Variants in DEUP1 observed in about 807,000 individuals in gnomAD.
DEUP1 encodes the protein deuterosome assembly protein 1, also known as coiled-coil domain containing 67.
A neutral mutation model predicts 87.4 loss-of-function variants in DEUP1; 82 were observed. The ratio of observed to expected loss-of-function variants is 0.94; its 90% CI spans 0.78 to 1.13. The LOEUF is 1.13. Among genes scored for constraint, DEUP1 ranks in the 50% most tolerant of loss-of-function variants. DEUP1 has a pLI of 0.00. For missense variants in DEUP1, 663 were observed against 681.5 expected (o/e 0.97, Z 0.30); for synonymous variants, 214 against 222.7 (o/e 0.96, Z 0.35).
chr11:93,360,905 CAAAAAAAA>C (rs35572726), intron 4 of DEUP1, among the ~76,000 whole-genome samples: 1 of 82,410 alleles, frequency 1.2e-5, no homozygotes, highest in Non-Finnish European at 2.5e-5. Context: ...CAAAACTTAG[CAAAAAAAA>C]AAAAAAAAAA....
chr11:93,338,322 C>G lies in DEUP1; in HGVS notation c.29+6034C>G, dbSNP rs572045909. On this transcript the variant is annotated intron_variant, in intron 2 of 13. Transcript: ENST00000298050. Reference sequence around the variant, plus strand: ...CCAGCGTATTCCAGGGGCCCTAGCTCTGTTCAGCAATGTTTTGTCTTCTCT... The same window carrying G: ...CCAGCGTATTCCAGGGGCCCTAGCTGTGTTCAGCAATGTTTTGTCTTCTCT... Among the ~76,000 whole-genome samples, 86 of 151,670 alleles carry G rather than the reference C, an allele frequency of 5.7e-4. No individual in the cohort carries two copies. The Middle Eastern group carries it at 0.01, about 18-fold the overall frequency.
chr11:93,375,749 T>G (rs1946005987), intron 7 of DEUP1, among the ~76,000 whole-genome samples: 1 of 152,192 alleles, frequency 6.6e-6, no homozygotes. Flanking sequence ...AGTTTTCTTT[T>G]TCTCTTATAT....
intron 7 of DEUP1, among the ~76,000 whole-genome samples, chr11:93,385,174 G>A (rs560870734): frequency 3.3e-4 from 50 of 152,226 alleles, no homozygotes; most frequent in African/African-American, 9.1e-4. Context: ...AGCCAAGATC[G>A]TGCCACTGCA....
At position 93,385,512 on chromosome 11, in the gene DEUP1, G is replaced by C. The variant is rs1450577772; in HGVS notation, c.904G>C (p.Glu302Gln). The C allele has an allele frequency of 3.7e-6, 6 of 1,609,586 alleles. No individual in the cohort carries two copies. The highest frequency in any genetic ancestry group is 1.1e-5 in the South Asian group (1 of 90,154). Residue 302 changes from glutamate (E) to glutamine (Q), a missense_variant, in exon 8 of 14, where the codon GAG becomes CAG. Coordinates refer to ENST00000298050, the MANE Select transcript of DEUP1 (RefSeq NM_181645.4). The part of the protein sequence containing the change: ...QLHRELLKIG[E>Q]CQNAQGNKTR... ...ACACAGAGAATTATTAAAAATAGGA[G>C]AGTGCCAAAATGCTCAAGGAAATAA... is the stretch of plus-strand genomic sequence containing the variant.
rs540981372 is a variant in DEUP1 at position 93,418,605 on chromosome 11, A to G, written c.1638+3491A>G. Among the ~76,000 whole-genome samples the G allele has an allele frequency of 1.3e-3, 195 of 151,862 alleles. 1 individual carries two copies. The highest frequency in any genetic ancestry group is 4.5e-3 in the African/African-American group (187 of 41,396). ...GGTGGGACTGTAAACTAGTTCAACC[A>G]TTGTGGAAGTCAGTGTGGCGATTCC... is the stretch of plus-strand genomic sequence containing the variant. On this transcript the variant is annotated intron_variant, in intron 13 of 13. Coordinates refer to ENST00000298050, the MANE Select transcript of DEUP1 (RefSeq NM_181645.4).
chr11:93,350,128 T>C (rs1407761490), intron 2 of DEUP1, among the ~76,000 whole-genome samples: 1 of 152,212 alleles, frequency 6.6e-6, no homozygotes, highest in African/African-American at 2.4e-5. Flanking sequence ...TTGGGACAAT[T>C]GCTGCAGATT....
At chr11:93,429,652 A>AGAAT (rs1948041559) in intron 13 of DEUP1, among the ~76,000 whole-genome samples, 1 of 152,102 alleles carries the variant, frequency 6.6e-6, no homozygotes, top group Non-Finnish European at 1.5e-5. Flanking sequence ...TCCCTCCTTT[A>AGAAT]GAATGTATGC....
intron 7 of DEUP1, chr11:93,383,638 T>C (rs1221437498): frequency 2.4e-5 from 16 of 661,162 alleles, no homozygotes; most frequent in Non-Finnish European, 4.4e-5. Context: ...CAATGAATAT[T>C]ATTAATAATT....
intron 8 of DEUP1, among the ~76,000 whole-genome samples, chr11:93,385,823 G>T (rs1946516781): frequency 6.6e-6 from 1 of 152,100 alleles, no homozygotes. Context: ...AGGCCGAGGT[G>T]GGAGGACAAT....
At chr11:93,340,154 G>A (rs1453615380) in intron 2 of DEUP1, among the ~76,000 whole-genome samples, 2 of 152,168 alleles carry the variant, frequency 1.3e-5, no homozygotes, top group African/African-American at 2.4e-5. Flanking sequence ...TCTATATTAT[G>A]TTGGGGGTGG....
rs1443505736 is a variant in DEUP1 at position 93,437,769 on chromosome 11, A to G, written c.*50A>G. Reference sequence around the variant, plus strand: ...CCCCCCCCCACCCCCGCCAAGAAAAAAAGCTCTGGCAAAATATTTACAAAG... The same window carrying G: ...CCCCCCCCCACCCCCGCCAAGAAAAGAAGCTCTGGCAAAATATTTACAAAG... On this transcript the variant is annotated 3_prime_UTR_variant, in exon 14 of 14. Transcript: ENST00000298050. 1.1e-6 allele frequency: 1 copy of G among 903,260 alleles called. No homozygotes were observed. Among genetic ancestry groups the G allele is most frequent in the African/African-American group, 1.8e-5 (1 of 55,190 alleles). The allele number at this position is 903,260 out of a possible 1,614,324, so 56.0% of individuals were successfully genotyped here. A position where few individuals can be genotyped will look rare whatever the true frequency, so the allele number is the denominator to read the frequency against.
At chr11:93,355,902 A>C (rs948039863) in intron 3 of DEUP1, among the ~76,000 whole-genome samples, 1 of 152,234 alleles carries the variant, frequency 6.6e-6, no homozygotes, top group Admixed American at 6.5e-5. Context: ...GAGTTCAGTA[A>C]CATTTGCTTC....
At chr11:93,357,118 T>C (rs1944933376) in intron 4 of DEUP1, 75 bp downstream of exon 4, 1 of 884,464 alleles carries the variant, frequency 1.1e-6, no homozygotes, top group African/African-American at 1.7e-5. Flanking sequence ...GTGTTAACTT[T>C]AAACTGTTTT....
intron 8 of DEUP1, among the ~76,000 whole-genome samples, chr11:93,388,562 T>C (rs16918854): frequency 0.015 from 2,284 of 152,316 alleles, 25 homozygotes; most frequent in East Asian, 0.064. Flanking sequence ...TACTCTCTGG[T>C]TAGACTGTCA....
chr11:93,366,763 C>T (rs1945437830), intron 5 of DEUP1, among the ~76,000 whole-genome samples: 1 of 152,192 alleles, frequency 6.6e-6, no homozygotes, highest in Non-Finnish European at 1.5e-5. Flanking sequence ...GCCTCTAAAA[C>T]ATCCTGGGGA....
At chr11:93,412,015 A>G (rs1947448836) in intron 12 of DEUP1, among the ~76,000 whole-genome samples, 1 of 152,226 alleles carries the variant, frequency 6.6e-6, no homozygotes. Flanking sequence ...ACATAGGTTG[A>G]CAGTTCTAGT....
chr11:93,397,442 G>A (rs1268568926), intron 11 of DEUP1, among the ~76,000 whole-genome samples: 3 of 152,082 alleles, frequency 2.0e-5, no homozygotes, highest in Non-Finnish European at 2.9e-5. Flanking sequence ...CACACAAAAA[G>A]TTAAATCAGA....
In DEUP1 at chr11:93,437,751, C is replaced by G. The variant is rs778188146; in HGVS notation, c.*32C>G. 3 of 1,045,386 alleles carry G rather than the reference C, an allele frequency of 2.9e-6. No individual in the cohort carries two copies. The highest frequency in any genetic ancestry group is 2.3e-5 in the Admixed American group (1 of 43,368). 64.8% of individuals were successfully genotyped at this position (1,045,386 alleles called of 1,614,324 possible). ...AAACTTTTTTATTTGCTTCCCCCCC[C>G]CACCCCCGCCAAGAAAAAAAGCTCT... On this transcript the variant is annotated 3_prime_UTR_variant, in exon 14 of 14. Coordinates refer to ENST00000298050, the MANE Select transcript of DEUP1 (RefSeq NM_181645.4).
chr11:93,415,831 T>A (rs1276229334), intron 13 of DEUP1, among the ~76,000 whole-genome samples: 2 of 152,120 alleles, frequency 1.3e-5, no homozygotes, highest in African/African-American at 4.8e-5. Flanking sequence ...TTTGTTTCTC[T>A]ATACTAATCT....
Sources: gnomAD v4.1 joint callset for allele counts (sites outside exome capture counted in the v4.1 genomes callset) on GRCh38, gnomAD v4.1.1 for gene constraint, MANE v1.5 for transcripts, NCBI Gene and HGNC (gene_info 2026-07-23, HGNC 2026-07-21) for gene names.